The following TPSG1 variants were observed in gnomAD, a reference collection of about 807,000 sequenced individuals.
TPSG1 encodes tryptase gamma 1, also known as tryptase gamma.
A neutral mutation model predicts 23.8 loss-of-function variants in TPSG1; 43 were observed. That is an observed-to-expected ratio of 1.81 (90% confidence interval 1.42 to 2.33). The LOEUF is 2.33. TPSG1 is among the 30% of genes most tolerant of loss of function. TPSG1 has a pLI of 0.00. For missense variants in TPSG1, 623 were observed against 438.6 expected (o/e 1.42, Z -3.75); for synonymous variants, 302 against 201.3 (o/e 1.50, Z -4.23).
intron 1 of TPSG1, chr16:1,224,913 C>T: frequency 1.7e-6 from 1 of 594,756 alleles, no homozygotes. Context: ...CACCAGTGTT[C>T]TAGGGCCTGG....
chr16:1,223,437 G>C lies in TPSG1; in HGVS notation c.231C>G (p.Ala77=). 6.3e-7 allele frequency: 1 copy of C among 1,587,096 alleles called. No homozygotes were observed. Among genetic ancestry groups the C allele is most frequent in the East Asian group, 2.3e-5 (1 of 43,834 alleles). The change falls in exon 3 of 6, where the codon GCC becomes GCG. Residue 77 remains alanine (A), a synonymous_variant. Coordinates refer to ENST00000234798, the MANE Select transcript of TPSG1 (RefSeq NM_012467.4). ...LLSPQWVLTA[A]HCFSGSLNSS... is the part of the protein sequence containing the mutation. ...CGGACACTCACCCGGAGAAGCAGTG[G>C]GCAGCTGTGAGCACCCACTGGGGGC...
Position 1,222,075 on chromosome 16 carries a change from C to A in TPSG1, c.679G>T (p.Val227Phe), listed in dbSNP as rs923134108. Residue 227 changes from valine to phenylalanine, a missense_variant, in exon 6 of 6, where the codon GTC becomes TTC. Transcript: ENST00000234798. ...ACCCAGGCACCGTTCACCTGGCAGA[C>A]CAGAGGCCCCCCGGAGTCGTCCTGA... ...ACQDDSGGPL[V>F]CQVNGAWVQA... 6.2e-7 allele frequency: 1 copy of A among 1,612,682 alleles called. No individual in the cohort carries two copies. The highest frequency in any genetic ancestry group is 1.3e-5 in the African/African-American group (1 of 74,928).
At chr16:1,224,455 C>T (rs1429416817) in intron 2 of TPSG1, 147 bp downstream of exon 2, 3 of 1,024,872 alleles carry the variant, frequency 2.9e-6, no homozygotes, top group Admixed American at 4.2e-5. Flanking sequence ...CCCCACTCAA[C>T]CGAGAGATGC....
chr16:1,224,054 C>T lies in TPSG1; in HGVS notation c.74-460G>A, dbSNP rs187110633. 2.0e-3 allele frequency: 396 copies of T among 201,710 alleles called. 2 individuals carry two copies. Among genetic ancestry groups the T allele is most frequent in the African/African-American group, 9.0e-3 (383 of 42,444 alleles). The allele number at this position is 201,710 out of a possible 1,614,324, so 12.5% of individuals were successfully genotyped here. On this transcript the variant is annotated intron_variant, in intron 2 of 5. Coordinates refer to ENST00000234798, the MANE Select transcript of TPSG1 (RefSeq NM_012467.4). ...AGGTGCTCGGGGCCTCTGAATTGGA[C>T]GCTTGATAATGTAACTTTATCTTCT...
At position 1,222,874 on chromosome 16, in the gene TPSG1, C is replaced by G. The variant is rs2029891307; in HGVS notation, c.289G>C (p.Glu97Gln). The stretch of plus-strand genomic sequence containing the variant: ...GAGAAGTGGGGAGACAGAGTGATCT[C>G]CAGTTCCCCCAGGTGCACCTGGTAG... ...SDYQVHLGELEITLSPHFSTV... is the reference protein window; with the variant it reads ...SDYQVHLGELQITLSPHFSTV... The change falls in exon 4 of 6, where the codon GAG (glutamate) becomes CAG (glutamine). Residue 97 changes from glutamate (E) to glutamine (Q), a missense_variant. Transcript: ENST00000234798. 1.9e-6 allele frequency: 3 copies of G among 1,609,000 alleles called. No homozygotes were observed. Among genetic ancestry groups the G allele is most frequent in the South Asian group, 2.2e-5 (2 of 90,344 alleles).
chr16:1,224,624 C>G lies in TPSG1; in HGVS notation c.51G>C (p.Val17=), dbSNP rs749337128. 5 of 1,613,728 alleles carry G rather than the reference C, an allele frequency of 3.1e-6. No homozygotes were observed. Among genetic ancestry groups the G allele is most frequent in the South Asian group, 2.2e-5 (2 of 91,082 alleles). ...TACCTGGCTGCAAAGTCCTGAGGGA[C>G]ACACCTGTGGGAAAGACGAAGGGCC... The part of the protein sequence containing the change: ...GLLLLLAVPG[V]SLRTLQPGCG... Residue 17 remains valine, a synonymous_variant, in exon 2 of 6, where the codon GTG becomes GTC. Transcript: ENST00000234798.
chr16:1,224,402 C>T (rs1428353833), intron 2 of TPSG1, among the ~76,000 whole-genome samples, 200 bp downstream of exon 2: 1 of 152,102 alleles, frequency 6.6e-6, no homozygotes, highest in Non-Finnish European at 1.5e-5. Flanking sequence ...AGACTGACTA[C>T]AGTGGTGGTG....
intron 4 of TPSG1, 68 bp from the exon 5 acceptor site, chr16:1,222,409 C>A (rs1017274337): frequency 1.1e-5 from 15 of 1,395,720 alleles, no homozygotes; most frequent in South Asian, 2.7e-5. Flanking sequence ...GGATGGGAGA[C>A]CTTGCCAGAC....
intron 1 of TPSG1, 135 bp from the exon 2 acceptor site, chr16:1,224,763 G>A: frequency 2.7e-6 from 3 of 1,095,664 alleles, no homozygotes; most frequent in East Asian, 2.5e-5. Flanking sequence ...CCGGCCTGGT[G>A]AGGCTGGGTC....
intron 2 of TPSG1, 69 bp downstream of exon 2, chr16:1,224,533 G>T: frequency 6.2e-7 from 1 of 1,602,102 alleles, no homozygotes. Context: ...GAAGGAGAGG[G>T]TCACCGAGGC....
chr16:1,221,682 ATGT>A lies in TPSG1; in HGVS notation c.*103_*105del. On this transcript the variant is annotated 3_prime_UTR_variant, in exon 6 of 6. Transcript: ENST00000234798. ...TCGTGTGCTTTTAAATTCAGGTTAAATGTTGCAATAATCTGATGCAGAAGACTC... is the reference window on the plus strand; with the variant it reads ...TCGTGTGCTTTTAAATTCAGGTTAAATGCAATAATCTGATGCAGAAGACTC... 8.6e-7 allele frequency: 1 copy of A among 1,160,478 alleles called. No homozygotes were observed. Among genetic ancestry groups the A allele is most frequent in the Middle Eastern group, 2.8e-4 (1 of 3,580 alleles). 71.9% of individuals were successfully genotyped at this position (1,160,478 alleles called of 1,614,324 possible).
chr16:1,223,506 G>A lies in TPSG1; in HGVS notation c.162C>T (p.Ser54=), dbSNP rs2029955479. 6.4e-7 allele frequency: 1 copy of A among 1,567,464 alleles called. No homozygotes were observed. ...ACACGTGCACCCTCCGCAGGCGGAG[G>A]CTGGCCTGCCATGGCCATGCGCCGG... ...APAGAWPWQA[S]LRLRRVHVCG... The change falls in exon 3 of 6, where the codon AGC becomes AGT. Residue 54 remains serine, a synonymous_variant. Transcript: ENST00000234798.
In TPSG1 at chr16:1,222,042, C is replaced by T. The variant is rs1431301601; in HGVS notation, c.712G>A (p.Gly238Ser). The change falls in exon 6 of 6, where the codon GGC becomes AGC. Residue 238 changes from glycine (G) to serine (S), a missense_variant. Physicochemically the swap from Gly to Ser is moderately conservative, Grantham distance 56. Coordinates refer to ENST00000234798, the MANE Select transcript of TPSG1 (RefSeq NM_012467.4). ...CAGCCCTCACCCCAGCTCACAGTGC[C>T]AGCCTGCACCCAGGCACCGTTCACC... ...CQVNGAWVQAGTVSWGEGCGR... is the reference protein window; with the variant it reads ...CQVNGAWVQASTVSWGEGCGR... 5 of 1,612,784 alleles carry T rather than the reference C, an allele frequency of 3.1e-6. No individual in the cohort carries two copies. The highest frequency in any genetic ancestry group is 4.2e-6 in the Non-Finnish European group (5 of 1,179,988).
chr16:1,222,602 C>T lies in TPSG1; in HGVS notation c.511+50G>A, dbSNP rs753031660. The T allele has an allele frequency of 4.6e-6, 7 of 1,516,470 alleles. No homozygotes were observed. In the South Asian group the frequency reaches 7.9e-5, roughly 17 times the overall value. The allele number at this position is 1,516,470 out of a possible 1,614,324, so 93.9% of individuals were successfully genotyped here. On this transcript the variant is annotated intron_variant, in intron 4 of 5. Transcript: ENST00000234798. Reference sequence around the variant, plus strand: ...AGCATCCCTCAAGCCAGCTCTCTTCCTGCCGCCCTTGCCTTCCTCCATCCC... The same window carrying T: ...AGCATCCCTCAAGCCAGCTCTCTTCTTGCCGCCCTTGCCTTCCTCCATCCC...
At chr16:1,222,620 T>G in intron 4 of TPSG1, 32 bp downstream of exon 4, 1 of 1,521,272 alleles carries the variant, frequency 6.6e-7, no homozygotes, top group Non-Finnish European at 8.8e-7. Flanking sequence ...CTTGCCTTCC[T>G]CCATCCCAGC....
rs913961128 is a variant in TPSG1 at position 1,224,888 on chromosome 16, G to T, written c.47-260C>A. The T allele has an allele frequency of 3.5e-4, 211 of 598,036 alleles. 5 individuals are homozygous for T. The East Asian group carries it at 5.9e-3, about 17-fold the overall frequency. The allele number at this position is 598,036 out of a possible 1,614,324, so 37.0% of individuals were successfully genotyped here. A position where few individuals can be genotyped will look rare whatever the true frequency, so the allele number is the denominator to read the frequency against. The stretch of plus-strand genomic sequence containing the variant: ...GCCTCCTCCCCGCCCTCCAGGTCCT[G>T]CTCAGGAAAGAAATCACCAGTGTTC... On this transcript the variant is annotated intron_variant, in intron 1 of 5. Coordinates refer to ENST00000234798, the MANE Select transcript of TPSG1 (RefSeq NM_012467.4).
chr16:1,224,172 G>GTGC (rs1471229124), intron 2 of TPSG1: 1 of 202,198 alleles, frequency 4.9e-6, no homozygotes, highest in African/African-American at 2.4e-5. Flanking sequence ...CTGGATAATT[G>GTGC]TGCTGGTGAT....
intron 2 of TPSG1, 193 bp from the exon 3 acceptor site, chr16:1,223,787 T>TG: frequency 1.6e-6 from 1 of 634,652 alleles, no homozygotes; most frequent in South Asian, 2.1e-5. Context: ...TGAGCGCGCC[T>TG]GGGGCTCAGG....
chr16:1,221,855 C>T lies in TPSG1; in HGVS notation c.899G>A (p.Cys300Tyr). 3 of 1,611,992 alleles carry T rather than the reference C, an allele frequency of 1.9e-6. No homozygotes were observed. The highest frequency in any genetic ancestry group is 2.5e-6 in the Non-Finnish European group (3 of 1,179,578). The stretch of plus-strand genomic sequence containing the variant: ...CAGCAGGCACTTGGCCAGCAGGACA[C>T]AGGAGACTAGCAGAAGGAAGAGGCC... ...LPGLFLLLVS[C>Y]VLLAKCLLHP... Residue 300 changes from cysteine (C) to tyrosine (Y), a missense_variant, in exon 6 of 6, where the codon TGT becomes TAT. By Grantham distance (194) the Cys-to-Tyr change is radical. Transcript: ENST00000234798.
Sources: allele counts gnomAD v4.1 joint callset (sites outside exome capture counted in the v4.1 genomes callset), GRCh38; gene constraint gnomAD v4.1.1; transcripts MANE v1.5; gene names NCBI Gene and HGNC (gene_info 2026-07-23, HGNC 2026-07-21).